The following GAREM2 variants were observed in gnomAD, a reference collection of about 807,000 sequenced individuals.
GAREM2 encodes the protein GRB2-associated and regulator of MAPK protein 2.
Under a neutral mutation model 55.6 loss-of-function variants are expected in GAREM2, and 30 were observed. That is an observed-to-expected ratio of 0.54 (90% CI 0.40 to 0.73). The LOEUF (loss-of-function observed/expected upper bound fraction) is 0.73, where lower values mean the gene tolerates loss of function less well. GAREM2 is among the 30% of genes least tolerant of loss of function. GAREM2 has a pLI of 0.00. For missense variants in GAREM2, 1,075 were observed against 1,257.7 expected, an observed-to-expected ratio of 0.85 and a Z score of 2.20; for synonymous variants, 550 against 569.1, an observed-to-expected ratio of 0.97 and a Z score of 0.48.
the GAREM2 span, among the ~76,000 whole-genome samples, chr2:26,202,288 A>T: frequency 2.0e-5 from 3 of 152,210 alleles, no homozygotes; most frequent in Non-Finnish European, 4.4e-5. Context: ...TTTCGTCGCC[A>T]AGGGAAACAG....
In GAREM2 at chr2:26,184,581, C is replaced by G. The variant is rs778045444; in HGVS notation, c.733C>G (p.Leu245Val). The G allele has an allele frequency of 1.3e-6, 2 of 1,548,390 alleles. No individual in the cohort carries two copies. Among genetic ancestry groups the G allele is most frequent in the East Asian group, 2.5e-5 (1 of 40,704 alleles). ...CTTCAGCACTCGCAGCCCGCTGGAGCTGCAGATGCAAGAGGGCGAGCACAC... is the reference window on the plus strand; with the variant it reads ...CTTCAGCACTCGCAGCCCGCTGGAGGTGCAGATGCAAGAGGGCGAGCACAC... ...GRFSTRSPLE[L>V]QMQEGEHTVR... is the part of the protein sequence containing the mutation. The change falls in exon 4 of 6, where the codon CTG (leucine) becomes GTG (valine). Residue 245 changes from leucine to valine, a missense_variant. This residue lies in a region of GAREM2 where 170 missense variants were observed against 220.7 expected (regional missense o/e 0.77). Transcript: ENST00000401533.
At chr2:26,200,589 T>A in the GAREM2 span, among the ~76,000 whole-genome samples, 1 of 152,204 alleles carries the variant, frequency 6.6e-6, no homozygotes, top group African/African-American at 2.4e-5. Flanking sequence ...CTCTGTGAGG[T>A]TATCTGTATG....
At chr2:26,194,080 G>T (rs1045050691), downstream of GAREM2, among the ~76,000 whole-genome samples, 1 of 152,198 alleles carries the variant, frequency 6.6e-6, no homozygotes, top group Non-Finnish European at 1.5e-5. Context: ...ACGGCTGAGT[G>T]TGTCATGACC....
At chr2:26,194,641 G>C, downstream of GAREM2, 1 of 1,602,360 alleles carries the variant, frequency 6.2e-7, no homozygotes, top group Non-Finnish European at 8.5e-7. Flanking sequence ...GGTCCATCCT[G>C]CCAAGGAAGA....
Position 26,174,430 on chromosome 2 carries a change from C to T in GAREM2, c.112+1098C>T, listed in dbSNP as rs141362788. ...CCCACACATCCTTTTTGGCATCTCC[C>T]CTTTCTGGGCAGCTTTTCTGAGCTC... On this transcript the variant is annotated intron_variant, in intron 1 of 5. Coordinates refer to ENST00000401533, the MANE Select transcript of GAREM2 (RefSeq NM_001168241.2). 1.6e-4 allele frequency among the ~76,000 whole-genome samples: 24 copies of T among 152,370 alleles called. No individual in the cohort carries two copies. In the East Asian group the frequency reaches 2.1e-3, roughly 13 times the overall value.
chr2:26,175,337 C>T (rs953437878), intron 1 of GAREM2, among the ~76,000 whole-genome samples: 51 of 152,264 alleles, frequency 3.3e-4, no homozygotes, highest in Non-Finnish European at 5.6e-4. Context: ...GCCTCCAGGC[C>T]CAGACCCCTC....
intron 2 of GAREM2, chr2:26,181,900 G>A: frequency 1.8e-6 from 1 of 547,936 alleles, no homozygotes; most frequent in Non-Finnish European, 2.3e-6. Context: ...GATCCCTTGA[G>A]CCCAGAAGGT....
At position 26,185,291 on chromosome 2, in the gene GAREM2, T is replaced by C. The variant is rs1669211298; in HGVS notation, c.1428+15T>C. On this transcript the variant is annotated intron_variant, in intron 4 of 5. Transcript: ENST00000401533. ...AATCCGAGGCGGTGAGTGAGCGCGC[T>C]GGGGGCCGAGTCCCGGGTCCAGCCA... 1 of 1,497,100 alleles carries C rather than the reference T, an allele frequency of 6.7e-7. No individual in the cohort carries two copies. Among genetic ancestry groups the C allele is most frequent in the Non-Finnish European group, 8.9e-7 (1 of 1,129,762 alleles). The allele number at this position is 1,497,100 out of a possible 1,614,324, so 92.7% of individuals were successfully genotyped here.
At chr2:26,201,704 A>G in the GAREM2 span, among the ~76,000 whole-genome samples, 5 of 152,236 alleles carry the variant, frequency 3.3e-5, no homozygotes, top group Non-Finnish European at 7.3e-5. Flanking sequence ...ATGACAGGGG[A>G]AGCAGCCAAA....
At chr2:26,192,904 G>C (rs928567855), downstream of GAREM2, among the ~76,000 whole-genome samples, 2 of 152,180 alleles carry the variant, frequency 1.3e-5, no homozygotes, top group African/African-American at 4.8e-5. Flanking sequence ...AAGATCTTGT[G>C]ACCCGGAGCT....
chr2:26,188,425 G>T lies in GAREM2; in HGVS notation c.*168G>T. ...TGCATGTGGAAATGTGGTCCTCTGG[G>T]GTCAGACCCCTGCACGGGACATCTT... On this transcript the variant is annotated 3_prime_UTR_variant, in exon 6 of 6. Transcript: ENST00000401533. 1 of 511,612 alleles carries T rather than the reference G, an allele frequency of 2.0e-6. No homozygotes were observed. The highest frequency in any genetic ancestry group is 3.3e-5 in the East Asian group (1 of 30,178). 31.7% of individuals were successfully genotyped at this position (511,612 alleles called of 1,614,324 possible). A position where few individuals can be genotyped will look rare whatever the true frequency, so the allele number is the denominator to read the frequency against.
the GAREM2 span, among the ~76,000 whole-genome samples, chr2:26,200,893 C>T: frequency 2.0e-5 from 3 of 152,140 alleles, no homozygotes; most frequent in East Asian, 5.8e-4. Flanking sequence ...CCACCATGCC[C>T]GGCTAATTTT....
chr2:26,186,093 G>A, intron 4 of GAREM2, 96 bp from the exon 5 acceptor site: 4 of 1,240,160 alleles, frequency 3.2e-6, no homozygotes, highest in Non-Finnish European at 3.3e-6. Flanking sequence ...CAAATGTCAG[G>A]CCCAGACAGC....
Position 26,185,199 on chromosome 2 carries a change from A to T in GAREM2, c.1351A>T (p.Ile451Phe), listed in dbSNP as rs1247204866. ...LVRPPPGLDL[I>F]SFGAAGPPRR... Reference sequence around the variant, plus strand: ...CCGGCCGCCCCCAGGGCTCGATCTCATCTCCTTCGGGGCCGCGGGACCGCC... The same window carrying T: ...CCGGCCGCCCCCAGGGCTCGATCTCTTCTCCTTCGGGGCCGCGGGACCGCC... Residue 451 changes from isoleucine (I) to phenylalanine (F), a missense_variant, in exon 4 of 6, where the codon ATC (isoleucine) becomes TTC (phenylalanine). Coordinates refer to ENST00000401533, the MANE Select transcript of GAREM2 (RefSeq NM_001168241.2). The T allele has an allele frequency of 6.6e-7, 1 of 1,520,196 alleles. No homozygotes were observed. Among genetic ancestry groups the T allele is most frequent in the East Asian group, 2.6e-5 (1 of 38,760 alleles). 94.2% of individuals were successfully genotyped at this position (1,520,196 alleles called of 1,614,324 possible).
the GAREM2 span, chr2:26,195,261 T>A: frequency 6.2e-7 from 1 of 1,602,206 alleles, no homozygotes; most frequent in Non-Finnish European, 8.6e-7. Flanking sequence ...AGCCAACAGA[T>A]CGGAGAATGC....
At chr2:26,177,714 C>T (rs964870947) in intron 2 of GAREM2, among the ~76,000 whole-genome samples, 16 of 152,072 alleles carry the variant, frequency 1.1e-4, no homozygotes, top group Admixed American at 7.9e-4. Flanking sequence ...TGGCTCACTG[C>T]CTCCGAGGTT....
chr2:26,182,990 GC>G lies in GAREM2; in HGVS notation c.280del (p.Arg94GlyfsTer7). The G allele has an allele frequency of 6.4e-7, 1 of 1,551,718 alleles. No homozygotes were observed. The highest frequency in any genetic ancestry group is 8.7e-7 in the Non-Finnish European group (1 of 1,146,992). On this transcript the variant is annotated frameshift_variant, in exon 3 of 6. Coordinates refer to ENST00000401533, the MANE Select transcript of GAREM2 (RefSeq NM_001168241.2). LOFTEE classifies it high-confidence loss of function. The part of the protein sequence containing the change: ...YPGKFKLLEQ[A>X]RDVREPVRYF... Reference sequence around the variant, plus strand: ...AGGGAAGTTCAAGCTCCTGGAACAGGCCCGGGATGTGCGGGAGCCAGTGAGG... The same window carrying G: ...AGGGAAGTTCAAGCTCCTGGAACAGGCCGGGATGTGCGGGAGCCAGTGAGG...
chr2:26,187,351 C>T lies in GAREM2; in HGVS notation c.1719C>T (p.Pro573=), dbSNP rs1431628437. Reference sequence around the variant, plus strand: ...CCTCTAGCCGCCCAGCCCCCGGTCCCCTACCCTCAACCACACAGCCCAGCC... The same window carrying T: ...CCTCTAGCCGCCCAGCCCCCGGTCCTCTACCCTCAACCACACAGCCCAGCC... ...GESSSRPAPG[P]LPSTTQPSQA... is the part of the protein sequence containing the mutation. Residue 573 remains proline, a synonymous_variant, in exon 6 of 6, where the codon CCC becomes CCT. Transcript: ENST00000401533. 1 of 1,546,006 alleles carries T rather than the reference C, an allele frequency of 6.5e-7. No individual in the cohort carries two copies. Among genetic ancestry groups the T allele is most frequent in the East Asian group, 2.5e-5 (1 of 40,770 alleles).
chr2:26,197,487 C>T, the GAREM2 span, among the ~76,000 whole-genome samples: 2 of 152,268 alleles, frequency 1.3e-5, no homozygotes, highest in Admixed American at 1.3e-4. Flanking sequence ...ATTTGGGATC[C>T]TTGAAAAGGA....
Sources: gnomAD v4.1 joint callset for allele counts (sites outside exome capture counted in the v4.1 genomes callset) on GRCh38, gnomAD v4.1.1 for gene constraint, gnomAD v4.1.1 regional missense constraint, MANE v1.5 for transcripts, NCBI Gene and HGNC (gene_info 2026-07-23, HGNC 2026-07-21) for gene names.